Variants in NTRK2 observed in about 807,000 individuals in gnomAD.
The protein encoded by NTRK2 is BDNF/NT-3 growth factors receptor.
In NTRK2, 13 loss-of-function variants were observed where a neutral mutation model predicts 94.5. The ratio of observed to expected loss-of-function variants is 0.14; its 90% CI spans 0.09 to 0.22. NTRK2 has a LOEUF of 0.22. NTRK2 is among the 10% of genes least tolerant of loss of function. NTRK2 has a pLI of 1.00. For missense variants in NTRK2, 639 were observed against 1,071.2 expected (o/e 0.60, Z 5.63); for synonymous variants, 372 against 407.4 (o/e 0.91, Z 1.05).
intron 14 of NTRK2, among the ~76,000 whole-genome samples, chr9:84,905,970 G>A (rs992200018): frequency 1.3e-5 from 2 of 152,204 alleles, no homozygotes; most frequent in African/African-American, 4.8e-5. Context: ...TAAAGAACAT[G>A]AGTGGAAGCT....
intron 15 of NTRK2, among the ~76,000 whole-genome samples, chr9:84,937,967 C>A (rs1211853243): frequency 6.6e-6 from 1 of 152,108 alleles, no homozygotes; most frequent in Non-Finnish European, 1.5e-5. Context: ...CCCACTAACT[C>A]AGGTGTATTT....
rs76138282 is a variant in NTRK2 at position 84,991,330 on chromosome 9, C to T, written c.2173-28876C>T. Among the ~76,000 whole-genome samples, 866 of 152,288 alleles carry T rather than the reference C, an allele frequency of 5.7e-3. 26 individuals carry two copies. Among genetic ancestry groups the T allele is most frequent in the Admixed American group, 0.039 (600 of 15,298 alleles). The stretch of plus-strand genomic sequence containing the variant: ...GACATAGCGGACACGTTGCTTCCCT[C>T]CGTATTTCTGTGCTGGGCACCCCGT... On this transcript the variant is annotated intron_variant, in intron 17 of 18. Transcript: ENST00000277120.
At chr9:84,794,317 T>A (rs1487779894) in intron 12 of NTRK2, among the ~76,000 whole-genome samples, 1 of 152,150 alleles carries the variant, frequency 6.6e-6, no homozygotes, top group Non-Finnish European at 1.5e-5. Context: ...TCCGTGGCCG[T>A]TGGTGCATTT....
chr9:84,727,986 G>T, intron 9 of NTRK2, 27 bp downstream of exon 9: 1 of 1,603,282 alleles, frequency 6.2e-7, no homozygotes, highest in South Asian at 1.1e-5. Context: ...TTTGTATGTG[G>T]GGAGAAGATA....
At chr9:84,756,860 T>C (rs1308435110) in intron 12 of NTRK2, among the ~76,000 whole-genome samples, 1 of 152,350 alleles carries the variant, frequency 6.6e-6, no homozygotes, top group East Asian at 1.9e-4. Flanking sequence ...AAGTCCAGAC[T>C]GAAGGCCCAC....
chr9:84,702,194 A>G lies in NTRK2; in HGVS notation c.248A>G (p.Asn83Ser), dbSNP rs1487008553. The G allele has an allele frequency of 8.7e-6, 14 of 1,614,056 alleles. 2 individuals are homozygous for G. The highest frequency in any genetic ancestry group is 6.6e-5 in the South Asian group (6 of 91,076). ...IANQKRLEII[N>S]EDDVEAYVGL... Reference sequence around the variant, plus strand: ...AACCAGAAAAGGTTAGAAATCATCAACGAAGATGATGTTGAAGCTTATGTG... The same window carrying G: ...AACCAGAAAAGGTTAGAAATCATCAGCGAAGATGATGTTGAAGCTTATGTG... The change falls in exon 3 of 19, where the codon AAC (asparagine) becomes AGC (serine). Residue 83 changes from asparagine (N) to serine (S), a missense_variant. By Grantham distance (46) the Asn-to-Ser change is conservative. Around this residue, in one of 5 missense-constraint regions of NTRK2, gnomAD observed 206 missense variants for 251.5 expected, o/e 0.82. Transcript: ENST00000277120.
chr9:84,993,084 C>T (rs542359166), intron 17 of NTRK2, among the ~76,000 whole-genome samples: 102 of 152,062 alleles, frequency 6.7e-4, no homozygotes, highest in African/African-American at 2.4e-3. Context: ...CCCTTGATAC[C>T]ACACCACCTT....
intron 12 of NTRK2, among the ~76,000 whole-genome samples, chr9:84,853,195 A>T (rs2074873178): frequency 6.6e-6 from 1 of 152,220 alleles, no homozygotes; most frequent in Non-Finnish European, 1.5e-5. Context: ...CTTCTCAGTC[A>T]TATATGCCTA....
At chr9:84,764,093 T>C (rs1357014370) in intron 12 of NTRK2, among the ~76,000 whole-genome samples, 3 of 152,232 alleles carry the variant, frequency 2.0e-5, no homozygotes, top group Admixed American at 6.6e-5. Flanking sequence ...CAGAAGATGA[T>C]GTGCACTTCA....
chr9:84,724,505 C>A, intron 8 of NTRK2, 149 bp downstream of exon 8: 1 of 919,512 alleles, frequency 1.1e-6, no homozygotes, highest in Non-Finnish European at 1.8e-6. Context: ...ACATTATCAG[C>A]CTCTTTTACT....
chr9:84,845,689 A>G (rs995820574), intron 12 of NTRK2, among the ~76,000 whole-genome samples: 3 of 152,214 alleles, frequency 2.0e-5, no homozygotes, highest in African/African-American at 7.2e-5. Context: ...AACACTATAT[A>G]TTCTCATGTA....
At chr9:84,913,937 G>A (rs1288351025) in intron 14 of NTRK2, among the ~76,000 whole-genome samples, 1 of 151,484 alleles carries the variant, frequency 6.6e-6, no homozygotes, top group East Asian at 1.9e-4. Context: ...AATATTAAGA[G>A]CTTTTGTTAA....
At chr9:84,765,412 A>G (rs562254588) in intron 12 of NTRK2, among the ~76,000 whole-genome samples, 108 of 152,302 alleles carry the variant, frequency 7.1e-4, no homozygotes, top group Middle Eastern at 3.4e-3. Context: ...TCCCTTTTGC[A>G]TTTTGTGGCT....
At chr9:84,956,799 AAATT>A (rs1428163778) in intron 17 of NTRK2, among the ~76,000 whole-genome samples, 1 of 151,786 alleles carries the variant, frequency 6.6e-6, no homozygotes, top group Non-Finnish European at 1.5e-5. Context: ...TAGTGTAAGA[AAATT>A]AATCTATTGT....
intron 12 of NTRK2, among the ~76,000 whole-genome samples, chr9:84,789,885 G>C (rs1189475211): frequency 6.6e-6 from 1 of 152,162 alleles, no homozygotes; most frequent in Non-Finnish European, 1.5e-5. Flanking sequence ...TTAAGTGCTA[G>C]GGTGGCAATG....
chr9:84,716,489 A>G (rs7020467), intron 6 of NTRK2, among the ~76,000 whole-genome samples: 7,699 of 152,258 alleles, frequency 0.051, 592 homozygotes, highest in African/African-American at 0.16. Context: ...AAGAAAATAG[A>G]CTGGTAGTAA....
intron 2 of NTRK2, among the ~76,000 whole-genome samples, chr9:84,700,120 C>T (rs560904559): frequency 2.0e-5 from 3 of 152,164 alleles, no homozygotes; most frequent in Admixed American, 6.6e-5. Flanking sequence ...ACAGGCTTGC[C>T]TGGAAGTCTG....
chr9:84,922,601 G>A (rs892336326), intron 14 of NTRK2, among the ~76,000 whole-genome samples: 198 of 152,206 alleles, frequency 1.3e-3, no homozygotes, highest in African/African-American at 4.6e-3. Flanking sequence ...CTTCCTTAAC[G>A]TCTTCAAGAC....
intron 12 of NTRK2, chr9:84,813,617 C>T: frequency 9.4e-7 from 1 of 1,066,052 alleles, no homozygotes; most frequent in Non-Finnish European, 1.1e-6. Flanking sequence ...TGATTCCCAC[C>T]ATGCTGTGAC....
Sources: gnomAD v4.1 joint callset for allele counts (sites outside exome capture counted in the v4.1 genomes callset) on GRCh38, gnomAD v4.1.1 for gene constraint, gnomAD v4.1.1 regional missense constraint, MANE v1.5 for transcripts, NCBI Gene and HGNC (gene_info 2026-07-23, HGNC 2026-07-21) for gene names.